Variants in RAP1B observed in about 807,000 individuals in gnomAD.
RAP1B encodes the protein RAP1B, member of RAS oncogene family.
A neutral mutation model predicts 27.5 loss-of-function variants in RAP1B; 1 was observed. That is an observed-to-expected ratio of 0.04 (90% CI 0.01 to 0.17). The LOEUF is 0.17. Among genes scored for constraint, RAP1B ranks in the 10% least tolerant of loss-of-function variants. The probability of loss-of-function intolerance (pLI) is 1.00; values close to 1 mark genes in which losing one functional copy is unlikely to be tolerated. For synonymous variants in RAP1B, 75 were observed against 73.1 expected, an observed-to-expected ratio of 1.03 and a Z score of -0.13; for missense variants, 84 against 214.8, an observed-to-expected ratio of 0.39 and a Z score of 3.81.
chr12:68,629,975 A>C (rs1486440333), intron 1 of RAP1B, among the ~76,000 whole-genome samples: 1 of 152,228 alleles, frequency 6.6e-6, no homozygotes, highest in East Asian at 1.9e-4. Flanking sequence ...AAATTTTCAA[A>C]TGTTTTTGGA....
At chr12:68,648,248 A>G (rs1342862043) in intron 1 of RAP1B, among the ~76,000 whole-genome samples, 1 of 152,178 alleles carries the variant, frequency 6.6e-6, no homozygotes, top group Non-Finnish European at 1.5e-5. Flanking sequence ...TACGTTCCCC[A>G]CTTTAGGAAT....
chr12:68,615,571 A>G (rs1005431064), intron 1 of RAP1B, among the ~76,000 whole-genome samples: 2 of 151,852 alleles, frequency 1.3e-5, no homozygotes, highest in African/African-American at 4.8e-5. Flanking sequence ...CCTGGGCGAC[A>G]GAGTGAGACT....
chr12:68,664,039 T>A lies in RAP1B; in HGVS notation c.*4790T>A, dbSNP rs934614406. The A allele has an allele frequency of 6.6e-6, 1 of 152,230 alleles. No individual in the cohort carries two copies. The highest frequency in any genetic ancestry group is 1.5e-5 in the Non-Finnish European group (1 of 68,046). The allele number at this position is 152,230 out of a possible 1,614,324, so 9.4% of individuals were successfully genotyped here. ...AAGGGTACGAAGACAGTTTTTACTA[T>A]GTTGTTTTACTATGAACCTAGTTTA... is the stretch of plus-strand genomic sequence containing the variant. On this transcript the variant is annotated 3_prime_UTR_variant, in exon 8 of 8. Transcript: ENST00000250559.
At chr12:68,620,691 C>T (rs1871329490) in intron 1 of RAP1B, among the ~76,000 whole-genome samples, 1 of 151,464 alleles carries the variant, frequency 6.6e-6, no homozygotes, top group African/African-American at 2.4e-5. Flanking sequence ...GTCTCGACCT[C>T]CCGGGCTCAG....
At chr12:68,620,367 G>A (rs1871307392) in intron 1 of RAP1B, among the ~76,000 whole-genome samples, 3 of 151,866 alleles carry the variant, frequency 2.0e-5, no homozygotes, top group South Asian at 4.2e-4. Flanking sequence ...GGGATTGCAG[G>A]CACCACCACC....
At chr12:68,639,757 C>T (rs575134861) in intron 1 of RAP1B, among the ~76,000 whole-genome samples, 1 of 152,262 alleles carries the variant, frequency 6.6e-6, no homozygotes, top group South Asian at 2.1e-4. Flanking sequence ...ATTTATGCCC[C>T]TTTTTGCAGA....
chr12:68,632,050 GTT>G (rs11322867), intron 1 of RAP1B, among the ~76,000 whole-genome samples: 1 of 143,520 alleles, frequency 7.0e-6, no homozygotes, highest in African/African-American at 2.6e-5. Context: ...TTTACTGCAG[GTT>G]TTTTTTTTCT....
At chr12:68,646,867 A>G (rs558628529) in intron 1 of RAP1B, among the ~76,000 whole-genome samples, 1 of 152,060 alleles carries the variant, frequency 6.6e-6, no homozygotes, top group Admixed American at 6.5e-5. Flanking sequence ...AGTTTTTTCT[A>G]GTTTGTTTGT....
Position 68,670,456 on chromosome 12 carries a change from A to T in RAP1B, c.*11207A>T, listed in dbSNP as rs984153795. ...GGGTAGACCTTCTTAGCTAATTTTT[A>T]AAAATGAAGCTATATTTAAGATATA... On this transcript the variant is annotated 3_prime_UTR_variant, in exon 8 of 8. Transcript: ENST00000250559. The T allele has an allele frequency of 6.6e-6, 1 of 152,218 alleles. No homozygotes were observed. The highest frequency in any genetic ancestry group is 2.4e-5 in the African/African-American group (1 of 41,458). The allele number at this position is 152,218 out of a possible 1,614,324, so 9.4% of individuals were successfully genotyped here.
chr12:68,654,353 G>C (rs1011860052), intron 5 of RAP1B, 101 bp downstream of exon 5: 4 of 450,834 alleles, frequency 8.9e-6, no homozygotes, highest in Admixed American at 4.4e-5. Context: ...ATTTTGGTTG[G>C]GGGGGGGGTG....
At position 68,654,265 on chromosome 12, in the gene RAP1B, C is replaced by G. The variant is rs1265858205; in HGVS notation, c.324+13C>G. On this transcript the variant is annotated intron_variant, in intron 5 of 7. Transcript: ENST00000250559. ...AGACACTGATGATGTAAGCTGACTT[C>G]CAAATAAATATATTTTATTTCAAAA... is the stretch of plus-strand genomic sequence containing the variant. The G allele has an allele frequency of 1.3e-6, 2 of 1,513,014 alleles. No homozygotes were observed. The highest frequency in any genetic ancestry group is 8.9e-7 in the Non-Finnish European group (1 of 1,122,164). The allele number at this position is 1,513,014 out of a possible 1,614,324, so 93.7% of individuals were successfully genotyped here. A position where few individuals can be genotyped will look rare whatever the true frequency, so the allele number is the denominator to read the frequency against.
Position 68,669,334 on chromosome 12 carries a change from T to A in RAP1B, c.*10085T>A, listed in dbSNP as rs1874980611. 6.6e-6 allele frequency: 1 copy of A among 152,214 alleles called. No homozygotes were observed. Among genetic ancestry groups the A allele is most frequent in the African/African-American group, 2.4e-5 (1 of 41,466 alleles). The allele number at this position is 152,214 out of a possible 1,614,324, so 9.4% of individuals were successfully genotyped here. A position where few individuals can be genotyped will look rare whatever the true frequency, so the allele number is the denominator to read the frequency against. On this transcript the variant is annotated 3_prime_UTR_variant, in exon 8 of 8. Coordinates refer to ENST00000250559, the MANE Select transcript of RAP1B (RefSeq NM_001010942.3). Reference sequence around the variant, plus strand: ...CCCAAATTAGCATGTTAATGTATAATGATTACAATTTAAATTTCAACTGGC... The same window carrying A: ...CCCAAATTAGCATGTTAATGTATAAAGATTACAATTTAAATTTCAACTGGC...
At chr12:68,617,431 CAT>C (rs1030187218) in intron 1 of RAP1B, among the ~76,000 whole-genome samples, 8 of 152,308 alleles carry the variant, frequency 5.3e-5, no homozygotes, top group South Asian at 4.1e-4. Context: ...AGATATATAA[CAT>C]ATGTTATCTG....
chr12:68,640,116 G>A (rs1592448761), intron 1 of RAP1B, among the ~76,000 whole-genome samples: 1 of 152,246 alleles, frequency 6.6e-6, no homozygotes, highest in East Asian at 1.9e-4. Context: ...TGGGATTACA[G>A]GCATGAGCCA....
chr12:68,649,869 T>G (rs1419359267), intron 2 of RAP1B: 3 of 152,210 alleles, frequency 2.0e-5, no homozygotes, highest in Non-Finnish European at 2.9e-5. Context: ...TCCCAGCACT[T>G]TGGGAGGCTG....
intron 1 of RAP1B, among the ~76,000 whole-genome samples, chr12:68,628,464 TTA>T (rs1417539422): frequency 6.6e-6 from 1 of 152,244 alleles, no homozygotes; most frequent in Non-Finnish European, 1.5e-5. Flanking sequence ...TTTTAATGAC[TTA>T]TTTTTATATG....
chr12:68,639,011 A>G, intron 1 of RAP1B, among the ~76,000 whole-genome samples: 1 of 152,184 alleles, frequency 6.6e-6, no homozygotes, highest in East Asian at 1.9e-4. Flanking sequence ...AGTCTGGTAC[A>G]TGTAACATTA....
intron 1 of RAP1B, among the ~76,000 whole-genome samples, chr12:68,639,084 G>T (rs780515461): frequency 6.6e-6 from 1 of 152,192 alleles, no homozygotes. Context: ...GTCAAAAACT[G>T]CTGGACCAGG....
chr12:68,665,260 C>T lies in RAP1B; in HGVS notation c.*6011C>T, dbSNP rs546083630. The stretch of plus-strand genomic sequence containing the variant: ...TACATAACTAAAGCAACAGATTTGC[C>T]AGCTGTGTGAAAGATAACCCAGAGA... On this transcript the variant is annotated 3_prime_UTR_variant, in exon 8 of 8. Transcript: ENST00000250559. The T allele has an allele frequency of 6.6e-6, 1 of 152,326 alleles. No individual in the cohort carries two copies. Among genetic ancestry groups the T allele is most frequent in the South Asian group, 2.1e-4 (1 of 4,824 alleles). 9.4% of individuals were successfully genotyped at this position (152,326 alleles called of 1,614,324 possible).
Sources: gnomAD v4.1 joint callset for allele counts (sites outside exome capture counted in the v4.1 genomes callset) on GRCh38, gnomAD v4.1.1 for gene constraint, MANE v1.5 for transcripts, NCBI Gene and HGNC (gene_info 2026-07-23, HGNC 2026-07-21) for gene names.